Variants in PCCA observed in about 807,000 individuals in gnomAD.
PCCA encodes propionyl-CoA carboxylase alpha chain, mitochondrial.
In PCCA, 74 loss-of-function variants were observed where a neutral mutation model predicts 101.3. That is an observed-to-expected ratio of 0.73 (90% CI 0.61 to 0.89). The LOEUF (loss-of-function observed/expected upper bound fraction) is 0.89. Ranked by LOEUF, PCCA falls within the 40% of genes least tolerant of loss-of-function variation. PCCA has a pLI of 0.00. For missense variants in PCCA, 891 were observed against 907.0 expected (o/e 0.98, Z 0.23); for synonymous variants, 294 against 313.6 (o/e 0.94, Z 0.66).
intron 19 of PCCA, among the ~76,000 whole-genome samples, chr13:100,389,778 G>A (rs915168036): frequency 3.9e-5 from 6 of 152,202 alleles, no homozygotes; most frequent in Admixed American, 6.5e-5. Flanking sequence ...AGGGGGAAAC[G>A]AGTGGTGAGA....
chr13:100,215,633 T>A (rs868015198), intron 7 of PCCA, among the ~76,000 whole-genome samples: 1 of 152,124 alleles, frequency 6.6e-6, no homozygotes, highest in Non-Finnish European at 1.5e-5. Context: ...TTTTATTTTT[T>A]ATTTTTATAT....
intron 19 of PCCA, among the ~76,000 whole-genome samples, chr13:100,413,301 A>G (rs1174641010): frequency 6.6e-6 from 1 of 152,222 alleles, no homozygotes; most frequent in Non-Finnish European, 1.5e-5. Flanking sequence ...ATTTTTATGG[A>G]CGTCTTATAG....
rs1555330349 is a variant in PCCA, at chr13:100,524,988, GATA to G, written c.2041-2686_2041-2684del. Among the ~76,000 whole-genome samples, 355 of 110,406 alleles carry G rather than the reference GATA, an allele frequency of 3.2e-3. 2 individuals are homozygous for G. The highest frequency in any genetic ancestry group is 0.012 in the South Asian group (48 of 4,088). 72.4% of individuals were successfully genotyped at this position (110,406 alleles called of 152,430 possible). ...CGAGATTCTGTCTCTAAGATGGATA[GATA>G]GATAGATAGATAGATAGATAGATAG... On this transcript the variant is annotated intron_variant, in intron 22 of 23. Transcript: ENST00000376285.
chr13:100,457,637 C>T (rs1303387216), intron 21 of PCCA, among the ~76,000 whole-genome samples: 9 of 152,128 alleles, frequency 5.9e-5, no homozygotes, highest in South Asian at 4.2e-4. Flanking sequence ...GTGCAGTAAT[C>T]GCACCTGCCC....
At position 100,425,539 on chromosome 13, in the gene PCCA, G is replaced by A. The variant is rs1166410638; in HGVS notation, c.1747-94G>A. The A allele has an allele frequency of 3.5e-6, 3 of 851,310 alleles. No individual in the cohort carries two copies. In the East Asian group the frequency reaches 7.6e-5, roughly 22 times the overall value. The allele number at this position is 851,310 out of a possible 1,614,324, so 52.7% of individuals were successfully genotyped here. On this transcript the variant is annotated intron_variant, in intron 19 of 23. Transcript: ENST00000376285. ...ATGACAGGTTGTTTGGGAGCCATCT[G>A]TTTAAAATGGCTGCTGCTTTGTATG...
chr13:100,093,894 A>G (rs1299550681), intron 1 of PCCA, among the ~76,000 whole-genome samples: 2 of 151,956 alleles, frequency 1.3e-5, no homozygotes, highest in Non-Finnish European at 2.9e-5. Context: ...AGCTGTGATC[A>G]CACCAATGTA....
chr13:100,452,505 C>T (rs1166502801), intron 21 of PCCA, among the ~76,000 whole-genome samples: 1 of 152,154 alleles, frequency 6.6e-6, no homozygotes, highest in East Asian at 1.9e-4. Flanking sequence ...GAACATCTGC[C>T]CCTACATGTC....
At chr13:100,226,396 A>G (rs929586157) in intron 7 of PCCA, among the ~76,000 whole-genome samples, 2 of 152,178 alleles carry the variant, frequency 1.3e-5, no homozygotes, top group Non-Finnish European at 2.9e-5. Context: ...CATCCACAGA[A>G]TAGAAAATTA....
At chr13:100,458,318 C>G (rs2081905025) in intron 21 of PCCA, among the ~76,000 whole-genome samples, 1 of 120,000 alleles carries the variant, frequency 8.3e-6, no homozygotes, top group South Asian at 3.0e-4. Flanking sequence ...CACACACACA[C>G]ACACACACAC....
At position 100,340,234 on chromosome 13, in the gene PCCA, G is replaced by A. The variant is rs757322299; in HGVS notation, c.1618G>A (p.Ala540Thr). ...ATTGTTTGTGGCATTCCAGTTAAGA[G>A]CACAACATTTTCAAGAAAATTCAAG... ...SSLFVAFQLR[A>T]QHFQENSRMP... Residue 540 changes from alanine to threonine, a missense_variant, in exon 18 of 24, where the codon GCA becomes ACA. Transcript: ENST00000376285. The A allele has an allele frequency of 6.2e-6, 10 of 1,601,700 alleles. No individual in the cohort carries two copies. In the South Asian group the frequency reaches 9.9e-5, roughly 16 times the overall value.
chr13:100,224,044 C>T (rs905802294), intron 7 of PCCA, among the ~76,000 whole-genome samples: 6 of 152,250 alleles, frequency 3.9e-5, no homozygotes, highest in Admixed American at 6.5e-5. Flanking sequence ...CCGCGCCGTG[C>T]GCCCGCACTC....
intron 19 of PCCA, among the ~76,000 whole-genome samples, chr13:100,370,904 G>T (rs1220679163): frequency 6.6e-6 from 1 of 152,076 alleles, no homozygotes; most frequent in African/African-American, 2.4e-5. Flanking sequence ...CCAGGTCTGG[G>T]TTAATGACTC....
intron 22 of PCCA, among the ~76,000 whole-genome samples, chr13:100,521,703 C>T (rs2087312672): frequency 6.6e-6 from 1 of 152,144 alleles, no homozygotes; most frequent in Non-Finnish European, 1.5e-5. Context: ...TTAACTGAAC[C>T]TTTCTTCAGA....
chr13:100,171,892 C>T (rs896533529), intron 6 of PCCA, among the ~76,000 whole-genome samples: 10 of 151,934 alleles, frequency 6.6e-5, no homozygotes, highest in African/African-American at 2.2e-4. Context: ...ATTAGCCGGG[C>T]GTGGTGGCAG....
chr13:100,363,449 C>T (rs1379710979), intron 18 of PCCA, among the ~76,000 whole-genome samples: 1 of 152,084 alleles, frequency 6.6e-6, no homozygotes, highest in Non-Finnish European at 1.5e-5. Context: ...TGTCTACCCC[C>T]ACTGAATACA....
At chr13:100,364,055 A>G (rs537447933) in intron 18 of PCCA, among the ~76,000 whole-genome samples, 33 of 152,282 alleles carry the variant, frequency 2.2e-4, no homozygotes, top group Admixed American at 1.7e-3. Context: ...TTTGTGAGTC[A>G]CTGTTTATGT....
At chr13:100,378,756 C>T (rs898233766) in intron 19 of PCCA, among the ~76,000 whole-genome samples, 3 of 152,040 alleles carry the variant, frequency 2.0e-5, no homozygotes, top group Non-Finnish European at 4.4e-5. Context: ...TCAGTGAATT[C>T]TTCATTCCAG....
At chr13:100,247,284 C>A (rs1466253724) in intron 8 of PCCA, among the ~76,000 whole-genome samples, 32 of 141,174 alleles carry the variant, frequency 2.3e-4, no homozygotes. Context: ...GTGGCATGAT[C>A]TCGGCTCACT....
At chr13:100,405,845 C>T (rs962418658) in intron 19 of PCCA, among the ~76,000 whole-genome samples, 8 of 143,654 alleles carry the variant, frequency 5.6e-5, no homozygotes, top group Non-Finnish European at 1.2e-4. Context: ...CGGCTTACTG[C>T]AACCTCCAAC....
Sources: gnomAD v4.1 joint callset for allele counts (sites outside exome capture counted in the v4.1 genomes callset) on GRCh38, gnomAD v4.1.1 for gene constraint, MANE v1.5 for transcripts, NCBI Gene and HGNC (gene_info 2026-07-23, HGNC 2026-07-21) for gene names.